The following CAMTA1 variants were observed in gnomAD, a reference collection of about 807,000 sequenced individuals.
The protein encoded by CAMTA1 is calmodulin-binding transcription activator 1.
A neutral mutation model predicts 170.9 loss-of-function variants in CAMTA1; 27 were observed. The observed-to-expected ratio is 0.16, with a 90% CI of 0.12 to 0.22. CAMTA1 has a LOEUF of 0.22. Among genes scored for constraint, CAMTA1 ranks in the 10% least tolerant of loss-of-function variants. The pLI, the probability that CAMTA1 is intolerant of heterozygous loss-of-function variation, is 1.00. For synonymous variants in CAMTA1, 833 were observed against 891.5 expected (o/e 0.93, Z 1.17); for missense variants, 1,619 against 2,217.2 (o/e 0.73, Z 5.42).
intron 3 of CAMTA1, chr1:7,008,705 A>G (rs955229664): frequency 1.3e-5 from 2 of 152,228 alleles, no homozygotes; most frequent in Non-Finnish European, 2.9e-5. Context: ...TCTGAAAGGG[A>G]ATGGATTGCT....
At chr1:7,369,828 T>C (rs2150045221) in intron 5 of CAMTA1, among the ~76,000 whole-genome samples, 1 of 152,098 alleles carries the variant, frequency 6.6e-6, no homozygotes, top group South Asian at 2.1e-4. Flanking sequence ...CCAAAGACAC[T>C]CTCACCTGAT....
At chr1:6,982,406 C>T (rs889165053) in intron 3 of CAMTA1, among the ~76,000 whole-genome samples, 8 of 152,198 alleles carry the variant, frequency 5.3e-5, no homozygotes, top group African/African-American at 1.9e-4. Flanking sequence ...GGAATCCCAT[C>T]AACTTGGAAA....
chr1:6,822,825 C>A (rs955079300), intron 2 of CAMTA1, among the ~76,000 whole-genome samples: 1 of 149,052 alleles, frequency 6.7e-6, no homozygotes, highest in African/African-American at 2.5e-5. Context: ...CACACACACA[C>A]AAACACACAC....
intron 6 of CAMTA1, among the ~76,000 whole-genome samples, chr1:7,484,429 G>A: frequency 6.6e-6 from 1 of 152,216 alleles, no homozygotes; most frequent in Non-Finnish European, 1.5e-5. Context: ...AAAACCAGGG[G>A]CTCAGTTTCC....
At chr1:7,574,017 A>G (rs2095158541) in intron 6 of CAMTA1, among the ~76,000 whole-genome samples, 1 of 131,876 alleles carries the variant, frequency 7.6e-6, no homozygotes, top group South Asian at 2.2e-4. Flanking sequence ...CAGGTGATCC[A>G]TCTGCCTCAG....
intron 4 of CAMTA1, among the ~76,000 whole-genome samples, chr1:7,126,161 A>G (rs1338645331): frequency 6.6e-6 from 1 of 152,170 alleles, no homozygotes; most frequent in East Asian, 1.9e-4. Context: ...TGATTCAGGT[A>G]TCTCCCACTG....
At chr1:7,398,196 T>C (rs1488402155) in intron 5 of CAMTA1, among the ~76,000 whole-genome samples, 9 of 18,096 alleles carry the variant, frequency 5.0e-4, no homozygotes, top group East Asian at 2.5e-3. Context: ...TCTCTCTCTA[T>C]ATATATATAT....
chr1:7,596,606 A>C (rs1227011108), intron 6 of CAMTA1, among the ~76,000 whole-genome samples: 1 of 152,194 alleles, frequency 6.6e-6, no homozygotes, highest in African/African-American at 2.4e-5. Context: ...CCTGCTCCTC[A>C]GATGAACGAT....
At chr1:6,922,444 C>G (rs1482940539) in intron 3 of CAMTA1, among the ~76,000 whole-genome samples, 1 of 152,152 alleles carries the variant, frequency 6.6e-6, no homozygotes, top group Non-Finnish European at 1.5e-5. Flanking sequence ...CAGATAGTGG[C>G]TGGGCTGTCA....
At chr1:7,661,908 GA>G (rs1172141248) in intron 8 of CAMTA1, 42 bp downstream of exon 8, 3 of 1,562,042 alleles carry the variant, frequency 1.9e-6, no homozygotes, top group Admixed American at 3.8e-5. Flanking sequence ...CACGGGGACA[GA>G]GGGGCCCTAC....
chr1:7,405,913 C>G (rs754521879), intron 5 of CAMTA1, among the ~76,000 whole-genome samples: 1 of 152,178 alleles, frequency 6.6e-6, no homozygotes, highest in Non-Finnish European at 1.5e-5. Flanking sequence ...GCACCGTTCT[C>G]GAAGCAGCTG....
At chr1:6,855,437 C>A (rs1424441208) in intron 3 of CAMTA1, among the ~76,000 whole-genome samples, 2 of 151,614 alleles carry the variant, frequency 1.3e-5, no homozygotes, top group African/African-American at 4.8e-5. Flanking sequence ...GGGAAGCAGG[C>A]TTGTCTTACA....
At chr1:7,150,919 C>A (rs947540988) in intron 4 of CAMTA1, among the ~76,000 whole-genome samples, 2 of 152,172 alleles carry the variant, frequency 1.3e-5, no homozygotes, top group African/African-American at 4.8e-5. Flanking sequence ...AGAAGGCAGG[C>A]GCAGAGTGCT....
chr1:7,555,728 G>A (rs1302160630), intron 6 of CAMTA1, among the ~76,000 whole-genome samples: 3 of 150,792 alleles, frequency 2.0e-5, no homozygotes, highest in African/African-American at 4.9e-5. Context: ...CACCTAGCAC[G>A]TGGTCCCCCA....
At chr1:7,499,594 GTA>G (rs1368757467) in intron 6 of CAMTA1, among the ~76,000 whole-genome samples, 1 of 143,640 alleles carries the variant, frequency 7.0e-6, no homozygotes, top group Non-Finnish European at 1.5e-5. Context: ...GCGTGAGTGC[GTA>G]TGTATATGAG....
intron 4 of CAMTA1, among the ~76,000 whole-genome samples, chr1:7,158,209 A>T (rs1473963176): frequency 2.0e-5 from 3 of 152,220 alleles, no homozygotes; most frequent in African/African-American, 7.2e-5. Flanking sequence ...CACATGGATG[A>T]ATCTCAAAAA....
intron 5 of CAMTA1, among the ~76,000 whole-genome samples, chr1:7,341,330 T>G (rs2083813482): frequency 2.0e-5 from 3 of 152,180 alleles, no homozygotes; most frequent in African/African-American, 7.2e-5. Context: ...GTGGAGCCAC[T>G]GTTCTCTTCC....
chr1:7,611,539 C>G (rs1576390580), intron 6 of CAMTA1, among the ~76,000 whole-genome samples: 2 of 152,204 alleles, frequency 1.3e-5, no homozygotes, highest in East Asian at 3.9e-4. Flanking sequence ...TGAGCCTGAC[C>G]CGGGTGGGTG....
At chr1:7,691,950 G>A (rs896642472) in intron 11 of CAMTA1, among the ~76,000 whole-genome samples, 14 of 145,248 alleles carry the variant, frequency 9.6e-5, no homozygotes, top group African/African-American at 3.3e-4. Context: ...CTTCAAGGGA[G>A]GGAAGGAAGG....
Sources: gnomAD v4.1 joint callset for allele counts (sites outside exome capture counted in the v4.1 genomes callset) on GRCh38, gnomAD v4.1.1 for gene constraint, MANE v1.5 for transcripts, NCBI Gene and HGNC (gene_info 2026-07-23, HGNC 2026-07-21) for gene names.